The following ATP1A1 variants were observed in gnomAD, a reference collection of about 807,000 sequenced individuals.
The protein encoded by ATP1A1 is ATPase Na+/K+ transporting subunit alpha 1.
ATP1A1 carries 14 observed loss-of-function variants against 114.8 expected under a neutral mutation model. The observed-to-expected ratio is 0.12, with a 90% CI of 0.08 to 0.19. ATP1A1 has a LOEUF of 0.19. ATP1A1 is among the 10% of genes least tolerant of loss of function. The pLI is 1.00. For missense variants in ATP1A1, 524 were observed against 1,290.7 expected, an observed-to-expected ratio of 0.41 and a Z score of 9.10; for synonymous variants, 471 against 466.3, an observed-to-expected ratio of 1.01 and a Z score of -0.13.
intron 1 of ATP1A1, among the ~76,000 whole-genome samples, chr1:116,377,327 G>A (rs1651440827): frequency 6.6e-6 from 1 of 152,178 alleles, no homozygotes; most frequent in Non-Finnish European, 1.5e-5. Flanking sequence ...AGTAATTAGA[G>A]CCAAGAGAAG....
chr1:116,390,679 A>T, intron 9 of ATP1A1, 103 bp from the exon 10 acceptor site: 2 of 977,012 alleles, frequency 2.0e-6, no homozygotes. Context: ...GGGAAATGAG[A>T]TGTATCACTG....
At chr1:116,396,228 C>G (rs1338785013) in intron 13 of ATP1A1, among the ~76,000 whole-genome samples, 4 of 150,538 alleles carry the variant, frequency 2.7e-5, no homozygotes, top group Non-Finnish European at 5.9e-5. Context: ...GAATGCTAGC[C>G]AGTAGCATGT....
Position 116,393,350 on chromosome 1 carries a change from A to ATT in ATP1A1, c.1468-169_1468-168dup, listed in dbSNP as rs60076505. On this transcript the variant is annotated intron_variant, in intron 11 of 22. Coordinates refer to ENST00000295598, the MANE Select transcript of ATP1A1 (RefSeq NM_000701.8). The surrounding 1 kb of genome is among the most constrained non-coding windows in gnomAD (Gnocchi z 5.0). ...AATTTATGAATATATCATAGTGCTC[A>ATT]TTTTTTTTTTTTTCTGTAGCATTCA... Among the ~76,000 whole-genome samples the ATT allele has an allele frequency of 6.9e-6, 1 of 144,788 alleles. No homozygotes were observed. Among genetic ancestry groups the ATT allele is most frequent in the Non-Finnish European group, 1.5e-5 (1 of 65,392 alleles). The allele number at this position is 144,788 out of a possible 152,430, so 95.0% of individuals were successfully genotyped here. A position where few individuals can be genotyped will look rare whatever the true frequency, so the allele number is the denominator to read the frequency against.
chr1:116,376,003 T>G (rs1166281901), intron 1 of ATP1A1, among the ~76,000 whole-genome samples: 2 of 152,164 alleles, frequency 1.3e-5, no homozygotes, highest in African/African-American at 2.4e-5. Context: ...ATTTTGTCCC[T>G]TTTTTTCTTT....
chr1:116,373,415 TC>T lies in ATP1A1; in HGVS notation c.-93del. 1 of 824,310 alleles carries T rather than the reference TC, an allele frequency of 1.2e-6. No homozygotes were observed. Among genetic ancestry groups the T allele is most frequent in the Non-Finnish European group, 1.7e-6 (1 of 572,950 alleles). The allele number at this position is 824,310 out of a possible 1,614,324, so 51.1% of individuals were successfully genotyped here. A position where few individuals can be genotyped will look rare whatever the true frequency, so the allele number is the denominator to read the frequency against. Reference sequence around the variant, plus strand: ...GCAGCCCTAGCTCCCTCCACTTGGCTCCCCTGGTCCCGCTCGCTCGGCCGGG... The same window carrying T: ...GCAGCCCTAGCTCCCTCCACTTGGCTCCCTGGTCCCGCTCGCTCGGCCGGG... On this transcript the variant is annotated 5_prime_UTR_variant, in exon 1 of 23. Transcript: ENST00000295598.
Position 116,393,518 on chromosome 1 carries a change from C to A in ATP1A1, c.1468-13C>A, listed in dbSNP as rs1158247350. The stretch of plus-strand genomic sequence containing the variant: ...CAACCATCCAATGTTTATGTCTCAA[C>A]AATCCTTCACAGTTGTCTATTCATA... On this transcript the variant is annotated splice_polypyrimidine_tract_variant and intron_variant, in intron 11 of 22. Coordinates refer to ENST00000295598, the MANE Select transcript of ATP1A1 (RefSeq NM_000701.8). The surrounding 1 kb of genome is among the most constrained non-coding windows in gnomAD (Gnocchi z 5.0). The A allele has an allele frequency of 6.2e-7, 1 of 1,605,470 alleles. No homozygotes were observed. Among genetic ancestry groups the A allele is most frequent in the Non-Finnish European group, 8.5e-7 (1 of 1,174,456 alleles).
rs2101038127 is a variant in ATP1A1, at chr1:116,384,254, A to C, written c.123+130A>C. 199 of 728,362 alleles carry C rather than the reference A, an allele frequency of 2.7e-4. No homozygotes were observed. Among genetic ancestry groups the C allele is most frequent in the Non-Finnish European group, 3.5e-4 (159 of 449,728 alleles). The allele number at this position is 728,362 out of a possible 1,614,324, so 45.1% of individuals were successfully genotyped here. A position where few individuals can be genotyped will look rare whatever the true frequency, so the allele number is the denominator to read the frequency against. On this transcript the variant is annotated intron_variant, in intron 2 of 22. Transcript: ENST00000295598. The surrounding 1 kb of genome is among the most constrained non-coding windows in gnomAD (Gnocchi z 5.1). ...AGATCATAGCAGCTGTACAGATCTC[A>C]TCTAGTCGTAGAGGTTAATGTTGAA...
chr1:116,393,462 C>T lies in ATP1A1; in HGVS notation c.1468-69C>T. ...AGCAAATACTAAATAGTAAGTGAAG[C>T]TTTGTTTTCCACCATGGACTGCCAC... On this transcript the variant is annotated intron_variant, in intron 11 of 22. Coordinates refer to ENST00000295598, the MANE Select transcript of ATP1A1 (RefSeq NM_000701.8). This position sits in a 1 kb window ranked among gnomAD's most constrained non-coding sequence, Gnocchi z 5.0. 1 of 1,486,950 alleles carries T rather than the reference C, an allele frequency of 6.7e-7. No homozygotes were observed. The highest frequency in any genetic ancestry group is 9.1e-7 in the Non-Finnish European group (1 of 1,100,972). 92.1% of individuals were successfully genotyped at this position (1,486,950 alleles called of 1,614,324 possible).
At position 116,393,032 on chromosome 1, in the gene ATP1A1, G is replaced by A. The variant is rs779779786; in HGVS notation, c.1467+44G>A. 6 of 1,607,242 alleles carry A rather than the reference G, an allele frequency of 3.7e-6. No homozygotes were observed. Among genetic ancestry groups the A allele is most frequent in the Non-Finnish European group, 5.1e-6 (6 of 1,176,184 alleles). ...ACACGGAGGGCGAGGGCAAGCTGGG[G>A]GACAAAGAGGGGAGGTACATGAGCA... On this transcript the variant is annotated intron_variant, in intron 11 of 22. Transcript: ENST00000295598. This position sits in a 1 kb window ranked among gnomAD's most constrained non-coding sequence, Gnocchi z 5.0.
Position 116,401,335 on chromosome 1 carries a change from C to A in ATP1A1, c.2849+75C>A. ...TGATTTGTAAACCCTTTGCCAAAAACTAAACATATGACACATATAGCCAGG... is the reference window on the plus strand; with the variant it reads ...TGATTTGTAAACCCTTTGCCAAAAAATAAACATATGACACATATAGCCAGG... On this transcript the variant is annotated intron_variant, in intron 20 of 22. Coordinates refer to ENST00000295598, the MANE Select transcript of ATP1A1 (RefSeq NM_000701.8). This position sits in a 1 kb window ranked among gnomAD's most constrained non-coding sequence, Gnocchi z 4.7. 1 of 1,601,230 alleles carries A rather than the reference C, an allele frequency of 6.2e-7. No homozygotes were observed. Among genetic ancestry groups the A allele is most frequent in the Non-Finnish European group, 8.5e-7 (1 of 1,170,130 alleles).
At position 116,393,798 on chromosome 1, in the gene ATP1A1, A is replaced by G; in HGVS notation, c.1660+75A>G. ...AACCTAGTCTGGTAGACAGTTAACAAGTGATCCTATGAACCTCTATGTCTT... is the reference window on the plus strand; with the variant it reads ...AACCTAGTCTGGTAGACAGTTAACAGGTGATCCTATGAACCTCTATGTCTT... On this transcript the variant is annotated intron_variant, in intron 12 of 22. Coordinates refer to ENST00000295598, the MANE Select transcript of ATP1A1 (RefSeq NM_000701.8). The surrounding 1 kb of genome is among the most constrained non-coding windows in gnomAD (Gnocchi z 5.0). 3.5e-6 allele frequency: 5 copies of G among 1,419,714 alleles called. No individual in the cohort carries two copies. The highest frequency in any genetic ancestry group is 1.4e-5 in the South Asian group (1 of 72,662). 87.9% of individuals were successfully genotyped at this position (1,419,714 alleles called of 1,614,324 possible).
At chr1:116,394,512 C>T (rs1214876513) in intron 12 of ATP1A1, among the ~76,000 whole-genome samples, 2 of 152,000 alleles carry the variant, frequency 1.3e-5, no homozygotes, top group African/African-American at 2.4e-5. Flanking sequence ...CCACATGGCA[C>T]GTTAAAGATC....
intron 10 of ATP1A1, 43 bp downstream of exon 10, chr1:116,390,934 T>C: frequency 2.0e-6 from 3 of 1,525,562 alleles, no homozygotes; most frequent in Non-Finnish European, 2.7e-6. Context: ...AGACAGCACA[T>C]GAGAACTGCC....
chr1:116,387,186 T>G lies in ATP1A1; in HGVS notation c.184-102T>G. The G allele has an allele frequency of 7.4e-7, 1 of 1,356,770 alleles. No homozygotes were observed. The highest frequency in any genetic ancestry group is 1.3e-5 in the South Asian group (1 of 76,104). 84.0% of individuals were successfully genotyped at this position (1,356,770 alleles called of 1,614,324 possible). On this transcript the variant is annotated intron_variant, in intron 3 of 22. Transcript: ENST00000295598. This position sits in a 1 kb window ranked among gnomAD's most constrained non-coding sequence, Gnocchi z 6.7. ...GGCTCTCTAGCTTGGGACATTTTGTTTCTTCCTTAAATCCTTATTGCAACC... is the reference window on the plus strand; with the variant it reads ...GGCTCTCTAGCTTGGGACATTTTGTGTCTTCCTTAAATCCTTATTGCAACC...
chr1:116,384,743 A>T lies in ATP1A1; in HGVS notation c.124-40A>T, dbSNP rs1363600471. 1 of 1,527,250 alleles carries T rather than the reference A, an allele frequency of 6.5e-7. No individual in the cohort carries two copies. Among genetic ancestry groups the T allele is most frequent in the Non-Finnish European group, 9.0e-7 (1 of 1,115,228 alleles). 94.6% of individuals were successfully genotyped at this position (1,527,250 alleles called of 1,614,324 possible). On this transcript the variant is annotated intron_variant, in intron 2 of 22. Transcript: ENST00000295598. This position sits in a 1 kb window ranked among gnomAD's most constrained non-coding sequence, Gnocchi z 5.1. ...ATTTTTTCTGTCATTTTTTTATACT[A>T]CACTGTTTAACTATTTTCTTTGTTT...
chr1:116,394,463 C>G (rs1440058865), intron 12 of ATP1A1, among the ~76,000 whole-genome samples: 2 of 147,662 alleles, frequency 1.4e-5, no homozygotes, highest in African/African-American at 5.4e-5. Context: ...TCCCTACTTC[C>G]ACCACCCCAA....
In ATP1A1 at chr1:116,373,543, G is replaced by GGGGA. The variant is rs776594301; in HGVS notation, c.12+24_12+27dup. 1 of 1,447,926 alleles carries GGGGA rather than the reference G, an allele frequency of 6.9e-7. No individual in the cohort carries two copies. The highest frequency in any genetic ancestry group is 9.1e-7 in the Non-Finnish European group (1 of 1,101,804). 89.7% of individuals were successfully genotyped at this position (1,447,926 alleles called of 1,614,324 possible). A position where few individuals can be genotyped will look rare whatever the true frequency, so the allele number is the denominator to read the frequency against. On this transcript the variant is annotated intron_variant, in intron 1 of 22. Coordinates refer to ENST00000295598, the MANE Select transcript of ATP1A1 (RefSeq NM_000701.8). Reference sequence around the variant, plus strand: ...AAGGGGGTGAGTGTCCGGCGCGCCCGGGGAGGGGGCTCGGGGAGCCCTCGA... The same window carrying GGGGA: ...AAGGGGGTGAGTGTCCGGCGCGCCCGGGGAGGGAGGGGGCTCGGGGAGCCCTCGA...
chr1:116,373,458 T>C lies in ATP1A1; in HGVS notation c.-54T>C. ...TCGGCCGGGAGCTGCTCTGTGCTTT[T>C]CTCTCTGATTCTCCAGCGACAGGAC... On this transcript the variant is annotated 5_prime_UTR_variant, in exon 1 of 23. Coordinates refer to ENST00000295598, the MANE Select transcript of ATP1A1 (RefSeq NM_000701.8). 6.6e-7 allele frequency: 1 copy of C among 1,510,328 alleles called. No homozygotes were observed. Among genetic ancestry groups the C allele is most frequent in the Non-Finnish European group, 8.9e-7 (1 of 1,129,452 alleles). The allele number at this position is 1,510,328 out of a possible 1,614,324, so 93.6% of individuals were successfully genotyped here.
At chr1:116,383,889 A>G in intron 1 of ATP1A1, 125 bp from the exon 2 acceptor site, 3 of 755,632 alleles carry the variant, frequency 4.0e-6, no homozygotes, top group South Asian at 1.8e-5. Flanking sequence ...TTTCCTGACT[A>G]TTATCTTAAT....
Sources: allele counts gnomAD v4.1 joint callset (sites outside exome capture counted in the v4.1 genomes callset), GRCh38; gene constraint gnomAD v4.1.1; non-coding constraint Gnocchi (gnomAD v3.1); transcripts MANE v1.5; gene names NCBI Gene and HGNC (gene_info 2026-07-23, HGNC 2026-07-21).